Variants in DLGAP1 observed in about 807,000 individuals in gnomAD.
DLGAP1 encodes DLG associated protein 1, also known as disks large-associated protein 1.
In DLGAP1, 11 loss-of-function variants were observed where a neutral mutation model predicts 90.8. That is an observed-to-expected ratio of 0.12 (90% confidence interval 0.08 to 0.20). DLGAP1 has a LOEUF of 0.20. DLGAP1 is among the 10% of genes least tolerant of loss of function. DLGAP1 has a pLI of 1.00. For missense variants in DLGAP1, 1,050 were observed against 1,333.8 expected, an observed-to-expected ratio of 0.79 and a Z score of 3.31; for synonymous variants, 558 against 540.7, an observed-to-expected ratio of 1.03 and a Z score of -0.44.
rs554937357 is a variant in DLGAP1 at position 4,381,813 on chromosome 18, T to G, written c.-267+73193A>C. 2.6e-5 allele frequency among the ~76,000 whole-genome samples: 4 copies of G among 152,282 alleles called. No homozygotes were observed. In the East Asian group the frequency reaches 7.7e-4, roughly 29 times the overall value. On this transcript the variant is annotated intron_variant, in intron 1 of 12. Transcript: ENST00000315677. The stretch of plus-strand genomic sequence containing the variant: ...TTATTGTATTAGTCTGTTTTCATGC[T>G]GCTGATAAAGACATACCTGAGACTG...
At chr18:3,791,931 A>G (rs540426419) in intron 5 of DLGAP1, among the ~76,000 whole-genome samples, 1 of 152,312 alleles carries the variant, frequency 6.6e-6, no homozygotes, top group African/African-American at 2.4e-5. Flanking sequence ...AAATTAAAAA[A>G]AGGCAAATGG....
intron 1 of DLGAP1, among the ~76,000 whole-genome samples, chr18:4,190,989 G>A (rs1386285995): frequency 1.3e-5 from 2 of 152,014 alleles, no homozygotes; most frequent in Admixed American, 1.3e-4. Context: ...TGGCTTAAAG[G>A]AGTCTTTTCA....
chr18:3,660,222 T>C lies in DLGAP1; in HGVS notation c.1591+68913A>G, dbSNP rs757720992. Among the ~76,000 whole-genome samples, 1 of 152,232 alleles carries C rather than the reference T, an allele frequency of 6.6e-6. No individual in the cohort carries two copies. The highest frequency in any genetic ancestry group is 1.5e-5 in the Non-Finnish European group (1 of 68,036). ...GGGGGTCTCACTTTGTTGGCCAGCC[T>C]GGCCTTGAACTTCTGATTTCAAGCA... On this transcript the variant is annotated intron_variant, in intron 7 of 12. Coordinates refer to ENST00000315677, the MANE Select transcript of DLGAP1 (RefSeq NM_004746.4). The surrounding 1 kb of genome is among the most constrained non-coding windows in gnomAD (Gnocchi z 4.2).
chr18:3,984,453 T>C (rs145997009), intron 3 of DLGAP1, among the ~76,000 whole-genome samples: 7 of 152,298 alleles, frequency 4.6e-5, no homozygotes, highest in Non-Finnish European at 8.8e-5. Flanking sequence ...TTGGCTGCCT[T>C]GAGACTGCTT....
chr18:3,884,964 C>T (rs2071271422), intron 3 of DLGAP1, among the ~76,000 whole-genome samples: 1 of 152,184 alleles, frequency 6.6e-6, no homozygotes, highest in South Asian at 2.1e-4. Context: ...CTTTCTGTAA[C>T]AAATCTTACA....
At chr18:4,063,138 T>C (rs917171842) in intron 2 of DLGAP1, among the ~76,000 whole-genome samples, 1 of 150,568 alleles carries the variant, frequency 6.6e-6, no homozygotes, top group East Asian at 1.9e-4. Context: ...AAAAGGAGAG[T>C]TTTTCTTGGT....
chr18:3,830,081 A>T (rs1418768631), intron 4 of DLGAP1, among the ~76,000 whole-genome samples: 2 of 152,146 alleles, frequency 1.3e-5, no homozygotes, highest in Non-Finnish European at 2.9e-5. Flanking sequence ...TGTTCAGGAG[A>T]CCCACAAAGG....
At chr18:3,596,835 C>T (rs1192166654) in intron 7 of DLGAP1, 2 of 520,024 alleles carry the variant, frequency 3.8e-6, no homozygotes, top group Admixed American at 3.9e-5. Context: ...TCTGATTGTG[C>T]AGTGTCATGT....
chr18:3,550,106 G>C (rs890510463), intron 9 of DLGAP1, among the ~76,000 whole-genome samples: 2 of 151,864 alleles, frequency 1.3e-5, no homozygotes, highest in African/African-American at 4.8e-5. Flanking sequence ...TAGAGACGGG[G>C]TTTCACCATG....
At chr18:4,137,178 G>T (rs984747036) in intron 2 of DLGAP1, among the ~76,000 whole-genome samples, 2 of 152,030 alleles carry the variant, frequency 1.3e-5, no homozygotes, top group Admixed American at 6.6e-5. Flanking sequence ...GCGATAGTTT[G>T]CTGAGAATGA....
Position 4,087,042 on chromosome 18 carries a change from C to T in DLGAP1, c.-159+64138G>A, listed in dbSNP as rs60633853. 5.4e-3 allele frequency among the ~76,000 whole-genome samples: 413 copies of T among 76,570 alleles called. 9 individuals are homozygous for T. Among genetic ancestry groups the T allele is most frequent in the African/African-American group, 0.02 (388 of 18,972 alleles). 50.2% of individuals were successfully genotyped at this position (76,570 alleles called of 152,430 possible). A position where few individuals can be genotyped will look rare whatever the true frequency, so the allele number is the denominator to read the frequency against. ...ACCTTGTCTGAGATATATATATATA[C>T]ACAAACACATATATATATACACACA... is the stretch of plus-strand genomic sequence containing the variant. On this transcript the variant is annotated intron_variant, in intron 2 of 12. Coordinates refer to ENST00000315677, the MANE Select transcript of DLGAP1 (RefSeq NM_004746.4).
intron 1 of DLGAP1, among the ~76,000 whole-genome samples, chr18:4,256,545 G>A (rs1381126272): frequency 1.3e-5 from 2 of 152,208 alleles, no homozygotes; most frequent in Non-Finnish European, 2.9e-5. Context: ...GGGGAAATAT[G>A]TGGGTATGTG....
At chr18:4,048,763 G>T (rs1033288948) in intron 2 of DLGAP1, among the ~76,000 whole-genome samples, 3 of 152,188 alleles carry the variant, frequency 2.0e-5, no homozygotes, top group African/African-American at 4.8e-5. Flanking sequence ...GTAGAAAAAG[G>T]CTGCTTTGGG....
At chr18:3,638,406 C>G (rs1791383) in intron 7 of DLGAP1, among the ~76,000 whole-genome samples, 5 of 151,920 alleles carry the variant, frequency 3.3e-5, no homozygotes, top group African/African-American at 1.2e-4. Context: ...TACCGCCATG[C>G]CTGGCTAGTT....
At chr18:3,779,195 T>C (rs1476128722) in intron 5 of DLGAP1, among the ~76,000 whole-genome samples, 1 of 152,200 alleles carries the variant, frequency 6.6e-6, no homozygotes, top group East Asian at 1.9e-4. Flanking sequence ...TCTCTCTGCA[T>C]GGAAGGATTA....
At chr18:3,631,568 G>T (rs2058526075) in intron 7 of DLGAP1, among the ~76,000 whole-genome samples, 1 of 151,866 alleles carries the variant, frequency 6.6e-6, no homozygotes, top group African/African-American at 2.4e-5. Context: ...GCAACATAGT[G>T]AGACCTTGAC....
Position 4,269,498 on chromosome 18 carries a change from A to T in DLGAP1, c.-266-118211T>A, listed in dbSNP as rs183979036. ...CCTCCCGAGTAGCTGGGACTACAGG[A>T]GCCCACCACCATGCGCGGCTAATTT... On this transcript the variant is annotated intron_variant, in intron 1 of 12. Coordinates refer to ENST00000315677, the MANE Select transcript of DLGAP1 (RefSeq NM_004746.4). Among the ~76,000 whole-genome samples the T allele has an allele frequency of 7.3e-5, 11 of 151,636 alleles. No individual in the cohort carries two copies. The East Asian group carries it at 1.8e-3, about 24-fold the overall frequency.
chr18:4,022,988 G>A (rs987746518), intron 2 of DLGAP1, among the ~76,000 whole-genome samples: 1 of 147,032 alleles, frequency 6.8e-6, no homozygotes, highest in African/African-American at 2.6e-5. Context: ...CAAACTCAGT[G>A]AGATTATTTT....
intron 1 of DLGAP1, among the ~76,000 whole-genome samples, chr18:4,197,993 G>A (rs1212996916): frequency 2.6e-5 from 4 of 152,094 alleles, no homozygotes; most frequent in East Asian, 1.9e-4. Context: ...AGGCTGAGGC[G>A]GGCGGATCAC....
Sources: gnomAD v4.1 joint callset for allele counts (sites outside exome capture counted in the v4.1 genomes callset) on GRCh38, gnomAD v4.1.1 for gene constraint, Gnocchi (gnomAD v3.1) non-coding constraint, MANE v1.5 for transcripts, NCBI Gene and HGNC (gene_info 2026-07-23, HGNC 2026-07-21) for gene names.